The following SLCO1A2 variants were observed in gnomAD, a reference collection of about 807,000 sequenced individuals.
SLCO1A2 encodes the protein solute carrier organic anion transporter family member 1A2.
In SLCO1A2, 67 loss-of-function variants were observed where a neutral mutation model predicts 69.0. The observed-to-expected ratio is 0.97, with a 90% CI of 0.80 to 1.19. The LOEUF (loss-of-function observed/expected upper bound fraction) is 1.19. SLCO1A2 is among the 50% of genes most tolerant of loss of function. SLCO1A2 has a pLI of 0.00. For synonymous variants in SLCO1A2, 260 were observed against 265.9 expected (o/e 0.98, Z 0.22); for missense variants, 787 against 793.7 (o/e 0.99, Z 0.10).
chr12:21,364,717 G>A (rs1190245419), intron 2 of SLCO1A2, among the ~76,000 whole-genome samples: 1 of 152,014 alleles, frequency 6.6e-6, no homozygotes, highest in African/African-American at 2.4e-5. Context: ...TACAAACTCA[G>A]TGTGCAAAAT....
At chr12:21,366,087 G>A (rs1939352751) in intron 2 of SLCO1A2, among the ~76,000 whole-genome samples, 1 of 152,126 alleles carries the variant, frequency 6.6e-6, no homozygotes, top group Admixed American at 6.6e-5. Context: ...CTGCTATAAA[G>A]ACACATGCAT....
chr12:21,276,545 C>CAA (rs147561216), intron 12 of SLCO1A2, among the ~76,000 whole-genome samples: 29 of 100,602 alleles, frequency 2.9e-4, no homozygotes, highest in Non-Finnish European at 4.6e-4. Context: ...TATCTACATA[C>CAA]AAAAAAAAAC....
intron 1 of SLCO1A2, among the ~76,000 whole-genome samples, chr12:21,417,636 T>C (rs1565536335): frequency 2.0e-5 from 3 of 151,910 alleles, no homozygotes; most frequent in Admixed American, 1.3e-4. Flanking sequence ...GAATAATTTA[T>C]TAAAAGTCAA....
At chr12:21,412,561 T>C (rs1941924612) in intron 1 of SLCO1A2, among the ~76,000 whole-genome samples, 1 of 152,182 alleles carries the variant, frequency 6.6e-6, no homozygotes, top group East Asian at 1.9e-4. Context: ...TTTGTCTATT[T>C]TGTTAGGTTT....
chr12:21,307,068 T>A, intron 4 of SLCO1A2, 80 bp from the exon 5 acceptor site: 1 of 917,638 alleles, frequency 1.1e-6, no homozygotes, highest in Admixed American at 2.0e-5. Context: ...TGTTACCTTC[T>A]GCTTCCCATA....
intron 12 of SLCO1A2, among the ~76,000 whole-genome samples, chr12:21,278,713 C>T (rs774328055): frequency 3.9e-5 from 6 of 152,106 alleles, no homozygotes; most frequent in African/African-American, 1.4e-4. Context: ...ACCTGGAAAG[C>T]CTGCTCAAGA....
At chr12:21,340,836 A>G (rs1953045350) in intron 2 of SLCO1A2, among the ~76,000 whole-genome samples, 1 of 151,986 alleles carries the variant, frequency 6.6e-6, no homozygotes, top group South Asian at 2.1e-4. Context: ...ACATATAAGA[A>G]AAGGATGAAG....
At chr12:21,331,085 T>A (rs1952583596) in intron 2 of SLCO1A2, among the ~76,000 whole-genome samples, 1 of 152,158 alleles carries the variant, frequency 6.6e-6, no homozygotes, top group Non-Finnish European at 1.5e-5. Flanking sequence ...TCATTTTATA[T>A]ATAATCCTTA....
intron 1 of SLCO1A2, among the ~76,000 whole-genome samples, chr12:21,392,407 G>A (rs1339292807): frequency 6.6e-6 from 1 of 152,088 alleles, no homozygotes; most frequent in African/African-American, 2.4e-5. Flanking sequence ...TGCCTTTTAG[G>A]CTTCTTAAAT....
At chr12:21,312,462 T>C (rs140315920) in intron 4 of SLCO1A2, among the ~76,000 whole-genome samples, 16 of 152,336 alleles carry the variant, frequency 1.1e-4, no homozygotes, top group African/African-American at 3.6e-4. Context: ...CATTTGTGTC[T>C]TCCTTGAAAT....
chr12:21,295,713 T>C lies in SLCO1A2; in HGVS notation c.1155A>G (p.Lys385=). Residue 385 remains lysine, a synonymous_variant, in exon 10 of 15, where the codon AAA becomes AAG. Transcript: ENST00000683939. ...LIMKKFKITV[K]QAAHIGCWLS... is the part of the protein sequence containing the mutation. ...ACCAACATCCTATGTGGGCAGCTTG[T>C]TTGACAGTAATCTTGAACTTCTTCA... is the stretch of plus-strand genomic sequence containing the variant. 1 of 1,608,264 alleles carries C rather than the reference T, an allele frequency of 6.2e-7. No individual in the cohort carries two copies. Among genetic ancestry groups the C allele is most frequent in the Non-Finnish European group, 8.5e-7 (1 of 1,174,904 alleles).
chr12:21,414,553 T>C lies in SLCO1A2; in HGVS notation c.-312+3329A>G, dbSNP rs192463446. 2.9e-3 allele frequency among the ~76,000 whole-genome samples: 449 copies of C among 152,264 alleles called. 1 individual carries two copies. Among genetic ancestry groups the C allele is most frequent in the Non-Finnish European group, 4.7e-3 (321 of 68,032 alleles). ...ATGATGCTTGATTTTTTTTAATTTATCAAACTTATTTTATTGCCTGGATTC... is the reference window on the plus strand; with the variant it reads ...ATGATGCTTGATTTTTTTTAATTTACCAAACTTATTTTATTGCCTGGATTC... On this transcript the variant is annotated intron_variant, in intron 1 of 4. Transcript: ENST00000413682.
upstream of SLCO1A2, among the ~76,000 whole-genome samples, chr12:21,337,057 T>G (rs1373218478): frequency 2.0e-5 from 3 of 152,076 alleles, no homozygotes; most frequent in Non-Finnish European, 2.9e-5. Flanking sequence ...GTTGTTTTTC[T>G]GTTTGATTGG....
chr12:21,318,534 C>T (rs1371457925), intron 3 of SLCO1A2, among the ~76,000 whole-genome samples: 1 of 152,016 alleles, frequency 6.6e-6, no homozygotes, highest in Non-Finnish European at 1.5e-5. Context: ...TGCTACATAA[C>T]TAAGAAACTA....
At position 21,300,338 on chromosome 12, in the gene SLCO1A2, G is replaced by A. The variant is rs1948549712; in HGVS notation, c.910+10C>T. The A allele has an allele frequency of 6.4e-7, 1 of 1,558,084 alleles. No homozygotes were observed. On this transcript the variant is annotated intron_variant, in intron 8 of 14. Coordinates refer to ENST00000683939, the MANE Select transcript of SLCO1A2 (RefSeq NM_001386879.1). ...GTCAATTTCATAGTATTTAGAATAT[G>A]TATATTTGCCTTTAGTGATTCCATA...
chr12:21,277,352 T>C (rs1480648237), intron 12 of SLCO1A2, among the ~76,000 whole-genome samples: 1 of 152,100 alleles, frequency 6.6e-6, no homozygotes, highest in African/African-American at 2.4e-5. Flanking sequence ...ATACATCACA[T>C]GCTGGCTAAA....
chr12:21,390,544 A>AT (rs1037032274), intron 1 of SLCO1A2, among the ~76,000 whole-genome samples: 1 of 151,870 alleles, frequency 6.6e-6, no homozygotes, highest in African/African-American at 2.4e-5. Context: ...ACATTTTCCT[A>AT]TTTTTTTTCC....
At chr12:21,303,944 A>G (rs1471024348) in intron 6 of SLCO1A2, among the ~76,000 whole-genome samples, 1 of 152,196 alleles carries the variant, frequency 6.6e-6, no homozygotes, top group African/African-American at 2.4e-5. Flanking sequence ...TAGAGAAGAC[A>G]TGATTAAAAC....
chr12:21,402,801 G>A (rs1052056760), intron 1 of SLCO1A2, among the ~76,000 whole-genome samples: 1 of 152,086 alleles, frequency 6.6e-6, no homozygotes, highest in Non-Finnish European at 1.5e-5. Context: ...AATCATGTAT[G>A]TTTTACATGA....
Sources: allele counts gnomAD v4.1 joint callset (sites outside exome capture counted in the v4.1 genomes callset), GRCh38; gene constraint gnomAD v4.1.1; transcripts MANE v1.5; gene names NCBI Gene and HGNC (gene_info 2026-07-23, HGNC 2026-07-21).